The following ACAD11 variants were observed in gnomAD, a reference collection of about 807,000 sequenced individuals.
The protein encoded by ACAD11 is acyl-Coenzyme A dehydrogenase family, member 11.
Under a neutral mutation model 102.2 loss-of-function variants are expected in ACAD11, and 83 were observed. That is an observed-to-expected ratio of 0.81 (90% CI 0.68 to 0.97). The LOEUF (loss-of-function observed/expected upper bound fraction) is 0.97. Ranked by LOEUF, ACAD11 falls within the 50% of genes least tolerant of loss-of-function variation. The probability of loss-of-function intolerance (pLI) is 0.00; values close to 1 mark genes in which losing one functional copy is unlikely to be tolerated. For missense variants in ACAD11, 901 were observed against 951.7 expected, an observed-to-expected ratio of 0.95 and a Z score of 0.70; for synonymous variants, 324 against 319.8, an observed-to-expected ratio of 1.01 and a Z score of -0.14.
intron 11 of ACAD11, among the ~76,000 whole-genome samples, chr3:132,615,130 A>G (rs1348570368): frequency 1.3e-5 from 2 of 152,222 alleles, no homozygotes; most frequent in Admixed American, 1.3e-4. Context: ...ATGAGATACC[A>G]TCTCACGCCA....
rs1338842558 is a variant in ACAD11 at position 132,559,956 on chromosome 3, A to T, written c.2119-14T>A. The T allele has an allele frequency of 1.4e-5, 23 of 1,594,352 alleles. No homozygotes were observed. The highest frequency in any genetic ancestry group is 2.0e-5 in the Non-Finnish European group (23 of 1,164,556). ...GATCATTGCAATCTATATAAGCAAA[A>T]TATGAAAAGAATGCTTCTTTCTTAG... is the stretch of plus-strand genomic sequence containing the variant. On this transcript the variant is annotated splice_polypyrimidine_tract_variant and intron_variant, in intron 18 of 19. Transcript: ENST00000264990.
chr3:132,590,689 A>G (rs1368067609), intron 13 of ACAD11, among the ~76,000 whole-genome samples: 1 of 152,154 alleles, frequency 6.6e-6, no homozygotes, highest in Non-Finnish European at 1.5e-5. Context: ...TGACTTTTTA[A>G]TAATAGCCAT....
At chr3:132,570,797 T>A (rs1041387435) in intron 17 of ACAD11, among the ~76,000 whole-genome samples, 2 of 152,202 alleles carry the variant, frequency 1.3e-5, no homozygotes, top group African/African-American at 4.8e-5. Context: ...TGGCTAAGGA[T>A]AATGACCTCC....
intron 6 of ACAD11, 62 bp from the exon 7 acceptor site, chr3:132,630,620 TTA>T (rs1434211830): frequency 2.0e-6 from 3 of 1,465,524 alleles, no homozygotes; most frequent in Non-Finnish European, 2.8e-6. Context: ...TTTCAAAATG[TTA>T]TGAGACTGAG....
At chr3:132,595,669 A>G (rs1267767420) in intron 13 of ACAD11, among the ~76,000 whole-genome samples, 2 of 152,224 alleles carry the variant, frequency 1.3e-5, no homozygotes, top group South Asian at 2.1e-4. Context: ...GAAGACATAC[A>G]TACCGCCAAC....
At chr3:132,591,122 G>T (rs935504536) in intron 13 of ACAD11, among the ~76,000 whole-genome samples, 2 of 151,978 alleles carry the variant, frequency 1.3e-5, no homozygotes, top group Non-Finnish European at 2.9e-5. Flanking sequence ...ATCTTCCAGG[G>T]TTTTTATAGT....
chr3:132,602,673 A>C (rs1004011931), intron 13 of ACAD11, among the ~76,000 whole-genome samples: 8 of 152,198 alleles, frequency 5.3e-5, no homozygotes, highest in Admixed American at 2.6e-4. Context: ...TTTATCTCTA[A>C]AACTACAAAA....
rs571752016 is a variant in ACAD11 at position 132,625,672 on chromosome 3, T to C, written c.1197+1019A>G. On this transcript the variant is annotated intron_variant, in intron 9 of 19. Coordinates refer to ENST00000264990, the MANE Select transcript of ACAD11 (RefSeq NM_032169.5). ...TCTCAAGCCAGATATTTACTAAAAATATAATAATTATTTATATAATTCAAG... is the reference window on the plus strand; with the variant it reads ...TCTCAAGCCAGATATTTACTAAAAACATAATAATTATTTATATAATTCAAG... Among the ~76,000 whole-genome samples the C allele has an allele frequency of 1.1e-4, 16 of 152,268 alleles. No homozygotes were observed. The South Asian group carries it at 2.9e-3, about 28-fold the overall frequency.
intron 13 of ACAD11, among the ~76,000 whole-genome samples, chr3:132,589,391 CT>C (rs1179491976): frequency 6.6e-6 from 1 of 152,136 alleles, no homozygotes; most frequent in Non-Finnish European, 1.5e-5. Context: ...TTGGGGTAAT[CT>C]TTTATCCCTG....
intron 5 of ACAD11, among the ~76,000 whole-genome samples, chr3:132,635,960 T>G (rs1940259158): frequency 6.6e-6 from 1 of 152,166 alleles, no homozygotes; most frequent in South Asian, 2.1e-4. Context: ...TTCTATTTGT[T>G]ATCTATGCTT....
intron 5 of ACAD11, among the ~76,000 whole-genome samples, chr3:132,638,658 G>A (rs540172053): frequency 1.9e-4 from 29 of 152,206 alleles, no homozygotes; most frequent in East Asian, 9.6e-4. Flanking sequence ...ATGTAGACTC[G>A]ACTAAAATAT....
At chr3:132,581,801 A>G (rs1197487911) in intron 13 of ACAD11, among the ~76,000 whole-genome samples, 1 of 150,470 alleles carries the variant, frequency 6.6e-6, no homozygotes, top group Non-Finnish European at 1.5e-5. Context: ...TTTATATTGC[A>G]TCAGTTACAG....
intron 13 of ACAD11, among the ~76,000 whole-genome samples, chr3:132,602,373 G>C (rs1938646194): frequency 6.6e-6 from 1 of 151,728 alleles, no homozygotes; most frequent in African/African-American, 2.4e-5. Context: ...TTTTCATCTG[G>C]GTTCCAATTT....
At chr3:132,601,364 T>G in intron 13 of ACAD11, 1 of 1,608,696 alleles carries the variant, frequency 6.2e-7, no homozygotes, top group South Asian at 1.1e-5. Flanking sequence ...GAAATATGGG[T>G]CCTGGAGAAG....
intron 13 of ACAD11, among the ~76,000 whole-genome samples, chr3:132,591,669 C>G (rs1391616928): frequency 6.6e-6 from 1 of 152,100 alleles, no homozygotes; most frequent in African/African-American, 2.4e-5. Context: ...GTGGCAGGAT[C>G]GCTTGAGCTC....
intron 11 of ACAD11, among the ~76,000 whole-genome samples, chr3:132,609,122 T>C (rs1009621179): frequency 3.3e-5 from 5 of 152,128 alleles, no homozygotes; most frequent in Non-Finnish European, 7.3e-5. Flanking sequence ...TACCAGAATC[T>C]CTGGGACACA....
chr3:132,650,929 C>T (rs896418866), intron 1 of ACAD11, among the ~76,000 whole-genome samples: 1 of 152,180 alleles, frequency 6.6e-6, no homozygotes, highest in Non-Finnish European at 1.5e-5. Flanking sequence ...ACATCTTCTC[C>T]ACCCCCTCAA....
chr3:132,644,134 G>A (rs1482003725), intron 2 of ACAD11, among the ~76,000 whole-genome samples: 1 of 152,016 alleles, frequency 6.6e-6, no homozygotes, highest in Non-Finnish European at 1.5e-5. Context: ...CCCCACAATT[G>A]TCCTTCCCCA....
Position 132,619,453 on chromosome 3 carries a change from T to C in ACAD11, c.1275+15A>G. 1.3e-6 allele frequency: 2 copies of C among 1,554,084 alleles called. No homozygotes were observed. Among genetic ancestry groups the C allele is most frequent in the Admixed American group, 2.1e-5 (1 of 48,648 alleles). On this transcript the variant is annotated intron_variant, in intron 10 of 19. Coordinates refer to ENST00000264990, the MANE Select transcript of ACAD11 (RefSeq NM_032169.5). ...CACTTGCATATGAATTTTCTAGCGT[T>C]AAAGATTTTCTTACCTTGAGTTTAT...
Sources: gnomAD v4.1 joint callset for allele counts (sites outside exome capture counted in the v4.1 genomes callset) on GRCh38, gnomAD v4.1.1 for gene constraint, MANE v1.5 for transcripts, NCBI Gene and HGNC (gene_info 2026-07-23, HGNC 2026-07-21) for gene names.